Variants in TACR3 observed in about 807,000 individuals in gnomAD.
TACR3 encodes the protein neuromedin-K receptor.
Under a neutral mutation model 35.0 loss-of-function variants are expected in TACR3, and 34 were observed. That is an observed-to-expected ratio of 0.97 (90% CI 0.74 to 1.30). The LOEUF (loss-of-function observed/expected upper bound fraction) is 1.30, where lower values mean the gene tolerates loss of function less well. TACR3 is among the 50% of genes most tolerant of loss of function. The pLI, the probability that TACR3 is intolerant of heterozygous loss-of-function variation, is 0.00. For synonymous variants in TACR3, 233 were observed against 221.1 expected (o/e 1.05, Z -0.48); for missense variants, 558 against 591.7 (o/e 0.94, Z 0.59).
intron 3 of TACR3, among the ~76,000 whole-genome samples, chr4:103,601,495 AT>A (rs1485668664): frequency 3.3e-5 from 5 of 152,060 alleles, no homozygotes; most frequent in African/African-American, 1.2e-4. Flanking sequence ...GGTCTTTGCA[AT>A]TTGGCATGTT....
intron 1 of TACR3, among the ~76,000 whole-genome samples, chr4:103,669,975 T>G (rs190522523): frequency 2.0e-5 from 3 of 152,194 alleles, no homozygotes; most frequent in Admixed American, 2.0e-4. Flanking sequence ...CTTTAATTAA[T>G]TTTTATTTGA....
chr4:103,588,806 G>A lies in TACR3; in HGVS notation c.*876C>T. ...TAGTCCTTATTCTATTTTCAGTGAG[G>A]GGAGAGGAAGAGAACATAAATAGTA... On this transcript the variant is annotated 3_prime_UTR_variant, in exon 5 of 5. Coordinates refer to ENST00000304883, the MANE Select transcript of TACR3 (RefSeq NM_001059.3). The A allele has an allele frequency of 6.6e-6, 1 of 151,942 alleles. No homozygotes were observed. The highest frequency in any genetic ancestry group is 1.5e-5 in the Non-Finnish European group (1 of 67,966). The allele number at this position is 151,942 out of a possible 1,614,324, so 9.4% of individuals were successfully genotyped here.
At chr4:103,718,790 A>G (rs892246693) in intron 1 of TACR3, among the ~76,000 whole-genome samples, 1 of 152,326 alleles carries the variant, frequency 6.6e-6, no homozygotes, top group South Asian at 2.1e-4. Context: ...TTCAAAAGTC[A>G]TTTGAGAAAG....
At chr4:103,706,582 T>C (rs1722796069) in intron 1 of TACR3, among the ~76,000 whole-genome samples, 1 of 152,100 alleles carries the variant, frequency 6.6e-6, no homozygotes, top group Non-Finnish European at 1.5e-5. Context: ...GTACTATACA[T>C]GAGTGCATAG....
rs576563892 is a variant in TACR3 at position 103,616,651 on chromosome 4, TA to T, written c.889-24969del. Among the ~76,000 whole-genome samples the T allele has an allele frequency of 4.6e-5, 7 of 152,092 alleles. No individual in the cohort carries two copies. The East Asian group carries it at 1.4e-3, about 29-fold the overall frequency. On this transcript the variant is annotated intron_variant, in intron 3 of 4. Coordinates refer to ENST00000304883, the MANE Select transcript of TACR3 (RefSeq NM_001059.3). ...TAAAATAGATTTCCCTAACAAAATA[TA>T]AAACCAAATCTCAGCCAGGCGCAGT...
chr4:103,683,048 A>T (rs1722136048), intron 1 of TACR3, among the ~76,000 whole-genome samples: 1 of 152,150 alleles, frequency 6.6e-6, no homozygotes, highest in African/African-American at 2.4e-5. Flanking sequence ...GGCTAATATA[A>T]AGGTAATGAA....
chr4:103,599,292 G>T (rs2110288856), intron 3 of TACR3, among the ~76,000 whole-genome samples: 1 of 152,270 alleles, frequency 6.6e-6, no homozygotes, highest in East Asian at 1.9e-4. Context: ...TGTGGTTTTT[G>T]TACATTGATT....
At chr4:103,647,033 T>C (rs1026983315) in intron 3 of TACR3, among the ~76,000 whole-genome samples, 7 of 151,952 alleles carry the variant, frequency 4.6e-5, no homozygotes. Context: ...TCGATTTTAG[T>C]ACAGAATAGG....
intron 3 of TACR3, among the ~76,000 whole-genome samples, chr4:103,615,830 G>T (rs955437625): frequency 6.6e-6 from 1 of 151,380 alleles, no homozygotes; most frequent in Admixed American, 6.6e-5. Context: ...ATGAAATCTC[G>T]GTATATTTTT....
intron 3 of TACR3, among the ~76,000 whole-genome samples, chr4:103,619,285 G>A (rs1243002947): frequency 6.6e-6 from 1 of 152,088 alleles, no homozygotes; most frequent in Non-Finnish European, 1.5e-5. Context: ...TGCCTCCAGG[G>A]TTCAAGCAAT....
intron 3 of TACR3, among the ~76,000 whole-genome samples, chr4:103,632,018 C>A (rs1029448389): frequency 1.3e-5 from 2 of 152,214 alleles, no homozygotes; most frequent in African/African-American, 4.8e-5. Context: ...ACTAAAGAAT[C>A]ATACATGGTT....
intron 1 of TACR3, among the ~76,000 whole-genome samples, chr4:103,715,593 C>T (rs1464427956): frequency 6.6e-6 from 1 of 152,078 alleles, no homozygotes; most frequent in African/African-American, 2.4e-5. Context: ...TTAAGGTTTA[C>T]AAGAAACAGT....
At chr4:103,653,584 C>A (rs1345075270) in intron 3 of TACR3, among the ~76,000 whole-genome samples, 4 of 151,874 alleles carry the variant, frequency 2.6e-5, no homozygotes, top group Non-Finnish European at 2.9e-5. Context: ...GACTTAAAAC[C>A]ATAAAAACCC....
Position 103,660,708 on chromosome 4 carries a change from G to C in TACR3, c.549-2305C>G, listed in dbSNP as rs1402767075. Reference sequence around the variant, plus strand: ...CAAGTATACCTCAATAAAGCTTACAGAAAGAGAAAAGAAAAAGTAGTGACA... The same window carrying C: ...CAAGTATACCTCAATAAAGCTTACACAAAGAGAAAAGAAAAAGTAGTGACA... On this transcript the variant is annotated intron_variant, in intron 1 of 4. Coordinates refer to ENST00000304883, the MANE Select transcript of TACR3 (RefSeq NM_001059.3). Among the ~76,000 whole-genome samples, 8 of 151,898 alleles carry C rather than the reference G, an allele frequency of 5.3e-5. No homozygotes were observed. The East Asian group carries it at 1.5e-3, about 29-fold the overall frequency.
At chr4:103,640,380 C>G (rs1049957180) in intron 3 of TACR3, among the ~76,000 whole-genome samples, 10 of 151,810 alleles carry the variant, frequency 6.6e-5, no homozygotes, top group African/African-American at 2.4e-4. Context: ...TAATAAGAAT[C>G]AAGAATAGAG....
At chr4:103,591,198 C>A (rs939370560) in intron 4 of TACR3, 2 of 443,498 alleles carry the variant, frequency 4.5e-6, no homozygotes. Flanking sequence ...ACTTCTTTTT[C>A]TTTGGCAGGT....
chr4:103,705,898 C>A (rs1722776570), intron 1 of TACR3, among the ~76,000 whole-genome samples: 1 of 152,006 alleles, frequency 6.6e-6, no homozygotes, highest in Non-Finnish European at 1.5e-5. Flanking sequence ...CTCATAAGTG[C>A]AATGGAAACG....
At chr4:103,680,983 T>C (rs1043195565) in intron 1 of TACR3, among the ~76,000 whole-genome samples, 3 of 151,854 alleles carry the variant, frequency 2.0e-5, no homozygotes, top group African/African-American at 7.3e-5. Flanking sequence ...GCTTTCTCTT[T>C]CTTCCTTATA....
rs189341010 is a variant in TACR3, at chr4:103,587,897, C to T, written c.*1785G>A. The T allele has an allele frequency of 6.6e-6, 1 of 152,038 alleles. No individual in the cohort carries two copies. The highest frequency in any genetic ancestry group is 2.4e-5 in the African/African-American group (1 of 41,504). The allele number at this position is 152,038 out of a possible 1,614,324, so 9.4% of individuals were successfully genotyped here. A position where few individuals can be genotyped will look rare whatever the true frequency, so the allele number is the denominator to read the frequency against. On this transcript the variant is annotated 3_prime_UTR_variant, in exon 5 of 5. Coordinates refer to ENST00000304883, the MANE Select transcript of TACR3 (RefSeq NM_001059.3). Reference sequence around the variant, plus strand: ...TGAGCATATGGCAATGCTGTAATGACCACTTATCATTTCAGTATTTGATTT... The same window carrying T: ...TGAGCATATGGCAATGCTGTAATGATCACTTATCATTTCAGTATTTGATTT...
Sources: gnomAD v4.1 joint callset for allele counts (sites outside exome capture counted in the v4.1 genomes callset) on GRCh38, gnomAD v4.1.1 for gene constraint, MANE v1.5 for transcripts, NCBI Gene and HGNC (gene_info 2026-07-23, HGNC 2026-07-21) for gene names.